Variants in MARCHF11 observed in about 807,000 individuals in gnomAD.
MARCHF11 encodes the protein membrane associated ring-CH-type finger 11.
A neutral mutation model predicts 37.3 loss-of-function variants in MARCHF11; 29 were observed. The observed-to-expected ratio is 0.78, with a 90% confidence interval of 0.58 to 1.06. The LOEUF is 1.06. Among genes scored for constraint, MARCHF11 ranks in the 50% least tolerant of loss-of-function variants. MARCHF11 has a pLI of 0.00. For synonymous variants in MARCHF11, 233 were observed against 228.0 expected (o/e 1.02, Z -0.20); for missense variants, 482 against 533.4 (o/e 0.90, Z 0.95).
intron 2 of MARCHF11, among the ~76,000 whole-genome samples, chr5:16,160,389 AAT>A (rs1738054302): frequency 6.9e-6 from 1 of 145,282 alleles, no homozygotes; most frequent in Non-Finnish European, 1.5e-5. Flanking sequence ...ATAATAATAT[AAT>A]ATATATTTAT....
At chr5:16,163,645 AAAGAT>A (rs886555395) in intron 2 of MARCHF11, among the ~76,000 whole-genome samples, 4 of 152,128 alleles carry the variant, frequency 2.6e-5, no homozygotes, top group African/African-American at 9.6e-5. Context: ...ATAGTAAATA[AAAGAT>A]AAGTTGAGTA....
At chr5:16,165,015 T>C (rs187964627) in intron 2 of MARCHF11, among the ~76,000 whole-genome samples, 354 of 152,232 alleles carry the variant, frequency 2.3e-3, no homozygotes, top group Non-Finnish European at 3.9e-3. Flanking sequence ...TGACATCTCC[T>C]ACGCTTCATC....
intron 2 of MARCHF11, among the ~76,000 whole-genome samples, chr5:16,137,724 T>C (rs1206161309): frequency 6.6e-6 from 1 of 152,120 alleles, no homozygotes. Context: ...CAGTCTGAGG[T>C]GGTCTCAGAG....
At position 16,085,571 on chromosome 5, in the gene MARCHF11, T is replaced by C. The variant is rs143191171; in HGVS notation, c.886+5318A>G. Reference sequence around the variant, plus strand: ...CATGGTATGAGGAAAAAGGACCTCATATGTATCGGTGGGTGGGGTCGGGGG... The same window carrying C: ...CATGGTATGAGGAAAAAGGACCTCACATGTATCGGTGGGTGGGGTCGGGGG... On this transcript the variant is annotated intron_variant, in intron 3 of 3. Transcript: ENST00000332432. 4.7e-3 allele frequency among the ~76,000 whole-genome samples: 612 copies of C among 129,582 alleles called. 2 individuals are homozygous for C. Among genetic ancestry groups the C allele is most frequent in the African/African-American group, 0.017 (583 of 34,154 alleles). The allele number at this position is 129,582 out of a possible 152,430, so 85.0% of individuals were successfully genotyped here. A position where few individuals can be genotyped will look rare whatever the true frequency, so the allele number is the denominator to read the frequency against.
In MARCHF11 at chr5:16,179,292, T is replaced by A. The variant is rs2126614985; in HGVS notation, c.284A>T (p.Glu95Val). The A allele has an allele frequency of 1.6e-6, 2 of 1,280,356 alleles. No homozygotes were observed. Among genetic ancestry groups the A allele is most frequent in the Admixed American group, 3.9e-5 (1 of 25,790 alleles). The allele number at this position is 1,280,356 out of a possible 1,614,324, so 79.3% of individuals were successfully genotyped here. Residue 95 changes from glutamate to valine, a missense_variant, in exon 1 of 4, where the codon GAA becomes GTA. Glu to Val is a moderately radical substitution (Grantham distance 121). Transcript: ENST00000332432. ...PPLPLQPAGQ[E>V]VAAAGDSGEG... Reference sequence around the variant, plus strand: ...CCCGGAGTCGCCGGCCGCCGCCACTTCCTGGCCGGCGGGCTGCAGGGGCAG... The same window carrying A: ...CCCGGAGTCGCCGGCCGCCGCCACTACCTGGCCGGCGGGCTGCAGGGGCAG...
At chr5:16,153,249 AG>A (rs1334497071) in intron 2 of MARCHF11, among the ~76,000 whole-genome samples, 1 of 152,038 alleles carries the variant, frequency 6.6e-6, no homozygotes, top group East Asian at 1.9e-4. Flanking sequence ...TAGAAAATAG[AG>A]AAAAGGCTTT....
At chr5:16,176,816 T>C (rs1401240779) in intron 2 of MARCHF11, among the ~76,000 whole-genome samples, 4 of 152,162 alleles carry the variant, frequency 2.6e-5, no homozygotes, top group Non-Finnish European at 5.9e-5. Context: ...TTATTACTTT[T>C]CCCCCTCCCA....
Position 16,157,744 on chromosome 5 carries a change from A to G in MARCHF11, c.693+19982T>C, listed in dbSNP as rs141747444. Among the ~76,000 whole-genome samples, 441 of 152,106 alleles carry G rather than the reference A, an allele frequency of 2.9e-3. 6 individuals are homozygous for G. The highest frequency in any genetic ancestry group is 9.6e-3 in the African/African-American group (399 of 41,546). ...ATCTGTAAACCTGCTAGAAGAAAAC[A>G]CAGAGGAAAACCTCCAAGAGATTGA... On this transcript the variant is annotated intron_variant, in intron 2 of 3. Coordinates refer to ENST00000332432, the MANE Select transcript of MARCHF11 (RefSeq NM_001102562.3).
Position 16,160,871 on chromosome 5 carries a change from T to G in MARCHF11, c.693+16855A>C, listed in dbSNP as rs552318670. Among the ~76,000 whole-genome samples the G allele has an allele frequency of 1.9e-3, 283 of 151,878 alleles. 1 individual carries two copies. The highest frequency in any genetic ancestry group is 6.7e-3 in the African/African-American group (276 of 41,458). On this transcript the variant is annotated intron_variant, in intron 2 of 3. Coordinates refer to ENST00000332432, the MANE Select transcript of MARCHF11 (RefSeq NM_001102562.3). ...TCTAACCTAATGGAGCTCTGTGCAC[T>G]CTGGGTCAAATTCCAAGAACACAAC...
chr5:16,152,717 A>C (rs1188096551), intron 2 of MARCHF11, among the ~76,000 whole-genome samples: 1 of 151,960 alleles, frequency 6.6e-6, no homozygotes, highest in Non-Finnish European at 1.5e-5. Context: ...CTATTTGGCT[A>C]AGAATAAATC....
intron 2 of MARCHF11, among the ~76,000 whole-genome samples, chr5:16,114,850 A>G (rs1442779245): frequency 6.6e-6 from 1 of 152,082 alleles, no homozygotes; most frequent in South Asian, 2.1e-4. Flanking sequence ...ATAGAATGAA[A>G]TATAGTATAG....
At chr5:16,118,601 G>A (rs558184995) in intron 2 of MARCHF11, among the ~76,000 whole-genome samples, 6 of 152,180 alleles carry the variant, frequency 3.9e-5, no homozygotes, top group Non-Finnish European at 8.8e-5. Context: ...TGGGATTCAT[G>A]AGCATGAAAT....
intron 2 of MARCHF11, among the ~76,000 whole-genome samples, chr5:16,116,615 A>G (rs1737230419): frequency 6.6e-6 from 1 of 152,158 alleles, no homozygotes; most frequent in Admixed American, 6.5e-5. Flanking sequence ...GACTTTAGAA[A>G]AATTAATCTT....
intron 2 of MARCHF11, among the ~76,000 whole-genome samples, chr5:16,118,707 A>C (rs1737261186): frequency 6.6e-6 from 1 of 152,188 alleles, no homozygotes; most frequent in African/African-American, 2.4e-5. Flanking sequence ...GAGAGGAATC[A>C]GGAAAGCAAG....
In MARCHF11 at chr5:16,179,148, G is replaced by A. The variant is rs934628673; in HGVS notation, c.428C>T (p.Ser143Leu). ...GCTGCTGCTGCGGCTGCTGCACACC[G>A]AGCGCGTCTCGGGCTGGTCTCCGGC... ...RGAGDQPETR[S>L]VCSSRSSSSG... The change falls in exon 1 of 4, where the codon TCG becomes TTG. Residue 143 changes from serine to leucine, a missense_variant. Transcript: ENST00000332432. 7 of 1,472,746 alleles carry A rather than the reference G, an allele frequency of 4.8e-6. No homozygotes were observed. Among genetic ancestry groups the A allele is most frequent in the African/African-American group, 1.5e-5 (1 of 68,170 alleles). 91.2% of individuals were successfully genotyped at this position (1,472,746 alleles called of 1,614,324 possible).
intron 3 of MARCHF11, among the ~76,000 whole-genome samples, chr5:16,083,711 A>T (rs1007816301): frequency 1.3e-5 from 2 of 152,252 alleles, no homozygotes; most frequent in Non-Finnish European, 2.9e-5. Context: ...GAGGGCATGA[A>T]AAATTTTTTA....
intron 2 of MARCHF11, among the ~76,000 whole-genome samples, chr5:16,136,514 C>T (rs567870446): frequency 6.6e-6 from 1 of 152,222 alleles, no homozygotes; most frequent in African/African-American, 2.4e-5. Context: ...AGCAAAATGA[C>T]TAGCAGTGAT....
At chr5:16,166,721 T>C (rs72740148) in intron 2 of MARCHF11, among the ~76,000 whole-genome samples, 15,338 of 152,040 alleles carry the variant, frequency 0.1, 841 homozygotes, top group South Asian at 0.19. Flanking sequence ...GTATCATCAA[T>C]ATAGAAATAG....
chr5:16,114,727 C>T (rs904917677), intron 2 of MARCHF11, among the ~76,000 whole-genome samples: 3 of 151,806 alleles, frequency 2.0e-5, no homozygotes, highest in Non-Finnish European at 4.4e-5. Flanking sequence ...TGAGCTCAAA[C>T]GATCCTTCCA....
Sources: gnomAD v4.1 joint callset for allele counts (sites outside exome capture counted in the v4.1 genomes callset) on GRCh38, gnomAD v4.1.1 for gene constraint, MANE v1.5 for transcripts, NCBI Gene and HGNC (gene_info 2026-07-23, HGNC 2026-07-21) for gene names.